Variants in DYNC1I2 observed in about 807,000 individuals in gnomAD.
The protein encoded by DYNC1I2 is dynein cytoplasmic 1 intermediate chain 2, also known as cytoplasmic dynein 1 intermediate chain 2.
Under a neutral mutation model 88.6 loss-of-function variants are expected in DYNC1I2, and 53 were observed. The ratio of observed to expected loss-of-function variants is 0.60; its 90% CI spans 0.48 to 0.75. The LOEUF (loss-of-function observed/expected upper bound fraction) is 0.75, where lower values mean the gene tolerates loss of function less well. DYNC1I2 is among the 30% of genes least tolerant of loss of function. The pLI, the probability that DYNC1I2 is intolerant of heterozygous loss-of-function variation, is 0.00. For synonymous variants in DYNC1I2, 198 were observed against 254.6 expected (o/e 0.78, Z 2.12); for missense variants, 458 against 766.6 (o/e 0.60, Z 4.75).
At chr2:171,712,905 TAA>T (rs1204191136) in intron 6 of DYNC1I2, 79 bp downstream of exon 6, 1 of 1,247,708 alleles carries the variant, frequency 8.0e-7, no homozygotes. Flanking sequence ...TTATTTTGCT[TAA>T]GTTTATAATA....
chr2:171,695,611 A>G (rs977765424), intron 3 of DYNC1I2, among the ~76,000 whole-genome samples: 1 of 152,136 alleles, frequency 6.6e-6, no homozygotes, highest in Non-Finnish European at 1.5e-5. Flanking sequence ...CCCCAGTGCT[A>G]TGCACTCAGT....
At chr2:171,743,889 G>A (rs1442355440) in intron 15 of DYNC1I2, among the ~76,000 whole-genome samples, 160 bp from the exon 16 acceptor site, 4 of 152,158 alleles carry the variant, frequency 2.6e-5, no homozygotes, top group Non-Finnish European at 5.9e-5. Flanking sequence ...AGGTAATTCT[G>A]TAGTGAAACA....
intron 4 of DYNC1I2, 93 bp downstream of exon 4, chr2:171,706,657 G>C: frequency 3.3e-6 from 4 of 1,222,064 alleles, no homozygotes; most frequent in Middle Eastern, 2.0e-4. Flanking sequence ...TTTATTGCCT[G>C]TTTGCATTTT....
chr2:171,739,643 T>A (rs924982633), intron 15 of DYNC1I2, among the ~76,000 whole-genome samples: 8 of 151,716 alleles, frequency 5.3e-5, no homozygotes, highest in Non-Finnish European at 1.0e-4. Context: ...CTTTTTACTA[T>A]TTATTTGAAG....
chr2:171,737,025 C>G (rs1689056327), intron 15 of DYNC1I2, among the ~76,000 whole-genome samples: 1 of 152,168 alleles, frequency 6.6e-6, no homozygotes. Context: ...GAAATTTATT[C>G]TTTCACATTT....
At chr2:171,711,041 C>T (rs1002697214) in intron 5 of DYNC1I2, among the ~76,000 whole-genome samples, 10 of 147,414 alleles carry the variant, frequency 6.8e-5, no homozygotes, top group African/African-American at 2.2e-4. Flanking sequence ...ACGACAGGCC[C>T]CGGTATGTGA....
In DYNC1I2 at chr2:171,749,115, T is replaced by G. The variant is rs1398394322; in HGVS notation, c.*1226T>G. Among the ~76,000 whole-genome samples, 1 of 152,124 alleles carries G rather than the reference T, an allele frequency of 6.6e-6. No homozygotes were observed. The highest frequency in any genetic ancestry group is 6.5e-5 in the Admixed American group (1 of 15,270). ...TTCTTTTAATAATTGTAACAAAGAT[T>G]TGTTGGGAGAGAAATTTCCAAATAA... On this transcript the variant is annotated 3_prime_UTR_variant, in exon 18 of 18. Transcript: ENST00000397119.
At chr2:171,688,986 T>C (rs1227057234) in intron 1 of DYNC1I2, among the ~76,000 whole-genome samples, 1 of 152,170 alleles carries the variant, frequency 6.6e-6, no homozygotes, top group Non-Finnish European at 1.5e-5. Context: ...TCCTGCCTTA[T>C]GCTCAGCTGC....
chr2:171,735,839 T>A (rs541207685), intron 15 of DYNC1I2, among the ~76,000 whole-genome samples: 1 of 152,320 alleles, frequency 6.6e-6, no homozygotes, highest in African/African-American at 2.4e-5. Flanking sequence ...CAGATTACTG[T>A]TAAAACATAA....
rs1039347717 is a variant in DYNC1I2, at chr2:171,716,638, G to T, written c.511+1195G>T. ...AAAGTTAGGATTGTGGCCGGACGTG[G>T]TGGCTCACACCCGTACTAGCACTTT... On this transcript the variant is annotated intron_variant, in intron 7 of 17. Transcript: ENST00000397119. 2.0e-5 allele frequency among the ~76,000 whole-genome samples: 3 copies of T among 152,140 alleles called. No individual in the cohort carries two copies. The South Asian group carries it at 6.2e-4, about 31-fold the overall frequency.
chr2:171,742,211 C>T (rs902061655), intron 15 of DYNC1I2, among the ~76,000 whole-genome samples: 7 of 152,010 alleles, frequency 4.6e-5, no homozygotes. Context: ...TCACTCCCAT[C>T]GCCTAGGCTG....
At position 171,728,173 on chromosome 2, in the gene DYNC1I2, T is replaced by C. The variant is rs1431591544; in HGVS notation, c.1144-132T>C. 10 of 733,170 alleles carry C rather than the reference T, an allele frequency of 1.4e-5. 1 individual carries two copies. The East Asian group carries it at 1.4e-4, about 11-fold the overall frequency. The allele number at this position is 733,170 out of a possible 1,614,324, so 45.4% of individuals were successfully genotyped here. On this transcript the variant is annotated intron_variant, in intron 12 of 17. Transcript: ENST00000397119. ...CTCTTCTGCGACAACATTTTGTTAATAGCAAACTTCACATTAAGAATACCC... is the reference window on the plus strand; with the variant it reads ...CTCTTCTGCGACAACATTTTGTTAACAGCAAACTTCACATTAAGAATACCC...
In DYNC1I2 at chr2:171,744,286, G is replaced by A. The variant is rs1689640602; in HGVS notation, c.1677+97G>A. 3.1e-6 allele frequency: 4 copies of A among 1,302,748 alleles called. No individual in the cohort carries two copies. The African/African-American group carries it at 4.5e-5, about 15-fold the overall frequency. The allele number at this position is 1,302,748 out of a possible 1,614,324, so 80.7% of individuals were successfully genotyped here. Reference sequence around the variant, plus strand: ...TCCTTTTTTTCCAAAGAATGTAAAAGGGTTCTGTGATTGTAGATTCATCAC... The same window carrying A: ...TCCTTTTTTTCCAAAGAATGTAAAAAGGTTCTGTGATTGTAGATTCATCAC... On this transcript the variant is annotated intron_variant, in intron 16 of 17. Coordinates refer to ENST00000397119, the MANE Select transcript of DYNC1I2 (RefSeq NM_001378.3).
intron 3 of DYNC1I2, among the ~76,000 whole-genome samples, chr2:171,704,447 A>T (rs1267174803): frequency 2.0e-5 from 3 of 149,586 alleles, no homozygotes; most frequent in Admixed American, 6.8e-5. Flanking sequence ...ACCTATGTTT[A>T]TATTAATTCC....
At chr2:171,738,337 GAAAAA>G (rs955588710) in intron 15 of DYNC1I2, among the ~76,000 whole-genome samples, 2 of 142,694 alleles carry the variant, frequency 1.4e-5, no homozygotes, top group Non-Finnish European at 3.1e-5. Context: ...CAGCTCAAAA[GAAAAA>G]AAAAAGAAAA....
chr2:171,731,734 A>G (rs1256587673), intron 15 of DYNC1I2, among the ~76,000 whole-genome samples: 1 of 152,140 alleles, frequency 6.6e-6, no homozygotes, highest in Non-Finnish European at 1.5e-5. Flanking sequence ...GTGCCCTGCG[A>G]TAGAATAGCA....
At chr2:171,741,823 T>TG (rs1283617856) in intron 15 of DYNC1I2, among the ~76,000 whole-genome samples, 2 of 152,194 alleles carry the variant, frequency 1.3e-5, no homozygotes, top group Non-Finnish European at 2.9e-5. Flanking sequence ...GGCTCACGCT[T>TG]GTAATCCTAG....
At chr2:171,725,784 G>A (rs925319276) in intron 8 of DYNC1I2, 71 bp downstream of exon 8, 28 of 1,272,280 alleles carry the variant, frequency 2.2e-5, no homozygotes, top group South Asian at 2.8e-5. Flanking sequence ...ATGTATTAAA[G>A]TAGGATGAAA....
At chr2:171,696,240 A>G (rs1685758499) in intron 3 of DYNC1I2, among the ~76,000 whole-genome samples, 1 of 152,244 alleles carries the variant, frequency 6.6e-6, no homozygotes, top group Non-Finnish European at 1.5e-5. Flanking sequence ...TAGCAATTAC[A>G]GGCTAAGTAT....
Sources: gnomAD v4.1 joint callset for allele counts (sites outside exome capture counted in the v4.1 genomes callset) on GRCh38, gnomAD v4.1.1 for gene constraint, MANE v1.5 for transcripts, NCBI Gene and HGNC (gene_info 2026-07-23, HGNC 2026-07-21) for gene names.